Variants in ATG5 observed in about 807,000 individuals in gnomAD.
ATG5 encodes the protein autophagy related 5, also known as autophagy protein 5.
Under a neutral mutation model 36.5 loss-of-function variants are expected in ATG5, and 14 were observed. That is an observed-to-expected ratio of 0.38 (90% confidence interval 0.25 to 0.60). The LOEUF is 0.60. Among genes scored for constraint, ATG5 ranks in the 20% least tolerant of loss-of-function variants. ATG5 has a pLI of 0.60. For missense variants in ATG5, 195 were observed against 326.7 expected, an observed-to-expected ratio of 0.60 and a Z score of 3.11; for synonymous variants, 95 against 101.5, an observed-to-expected ratio of 0.94 and a Z score of 0.38.
At chr6:106,296,790 C>T (rs1487033763) in intron 3 of ATG5, among the ~76,000 whole-genome samples, 1 of 152,150 alleles carries the variant, frequency 6.6e-6, no homozygotes, top group Non-Finnish European at 1.5e-5. Flanking sequence ...TGCACTCCAG[C>T]CTAGGCAACA....
intron 1 of ATG5, among the ~76,000 whole-genome samples, chr6:106,318,276 CATGT>C (rs1203344111): frequency 1.3e-5 from 2 of 152,140 alleles, no homozygotes; most frequent in African/African-American, 4.8e-5. Flanking sequence ...AAACATCATG[CATGT>C]GAGTGTGGCT....
At chr6:106,235,629 T>C (rs1777870176) in intron 6 of ATG5, among the ~76,000 whole-genome samples, 1 of 152,084 alleles carries the variant, frequency 6.6e-6, no homozygotes, top group Non-Finnish European at 1.5e-5. Context: ...CTCACTAAAA[T>C]GCTAATTAGA....
intron 3 of ATG5, among the ~76,000 whole-genome samples, chr6:106,296,224 A>G (rs531069346): frequency 3.0e-4 from 45 of 152,182 alleles, no homozygotes; most frequent in African/African-American, 1.0e-3. Context: ...TTAAAAAAAA[A>G]AAGATAAAAC....
intron 5 of ATG5, among the ~76,000 whole-genome samples, chr6:106,251,687 A>C (rs1404424610): frequency 1.6e-4 from 17 of 109,466 alleles, no homozygotes; most frequent in African/African-American, 4.9e-4. Context: ...GAGAGAAAGA[A>C]AGACAGAAAA....
At chr6:106,190,781 C>T (rs1202640033) in intron 7 of ATG5, among the ~76,000 whole-genome samples, 1 of 151,998 alleles carries the variant, frequency 6.6e-6, no homozygotes, top group Non-Finnish European at 1.5e-5. Context: ...ACATTAACCA[C>T]ACAAGTCATT....
intron 6 of ATG5, among the ~76,000 whole-genome samples, chr6:106,240,927 C>T (rs1456512311): frequency 3.3e-5 from 5 of 152,108 alleles, no homozygotes; most frequent in East Asian, 1.9e-4. Context: ...CCAAAGCAGG[C>T]GGATCACTTG....
chr6:106,229,782 A>C (rs1248211786), intron 6 of ATG5, among the ~76,000 whole-genome samples: 1 of 152,214 alleles, frequency 6.6e-6, no homozygotes, highest in African/African-American at 2.4e-5. Flanking sequence ...AAATGCATTC[A>C]ATCTGTAGCG....
At chr6:106,196,462 A>C (rs748157600) in intron 7 of ATG5, among the ~76,000 whole-genome samples, 1 of 152,128 alleles carries the variant, frequency 6.6e-6, no homozygotes, top group Non-Finnish European at 1.5e-5. Context: ...AATCATGCAA[A>C]AATTAAGAGA....
chr6:106,254,439 T>C (rs889406478), intron 5 of ATG5, among the ~76,000 whole-genome samples: 2 of 152,234 alleles, frequency 1.3e-5, no homozygotes, highest in African/African-American at 2.4e-5. Flanking sequence ...TAATGTACTA[T>C]GAGTATGCAC....
chr6:106,202,478 C>A (rs1328481137), intron 6 of ATG5: 2 of 155,418 alleles, frequency 1.3e-5, no homozygotes, highest in African/African-American at 4.8e-5. Context: ...TGAAGAAGGA[C>A]ATTTTTTAGA....
At chr6:106,296,659 A>G (rs1218862582) in intron 3 of ATG5, among the ~76,000 whole-genome samples, 2 of 152,156 alleles carry the variant, frequency 1.3e-5, no homozygotes, top group South Asian at 2.1e-4. Flanking sequence ...CTCTACTAAC[A>G]ATACAAAAAT....
intron 5 of ATG5, among the ~76,000 whole-genome samples, chr6:106,269,282 T>C (rs1414827256): frequency 1.3e-5 from 2 of 152,182 alleles, no homozygotes; most frequent in Non-Finnish European, 2.9e-5. Context: ...AGAGTGCTGA[T>C]TGGTGTATTT....
chr6:106,186,772 A>T (rs1775787464), intron 7 of ATG5, 96 bp from the exon 8 acceptor site: 1 of 1,383,526 alleles, frequency 7.2e-7, no homozygotes, highest in Non-Finnish European at 9.9e-7. Context: ...CATTAAATGG[A>T]TTTTAAACAT....
At chr6:106,294,021 A>T (rs1340162358) in intron 3 of ATG5, among the ~76,000 whole-genome samples, 1 of 151,466 alleles carries the variant, frequency 6.6e-6, no homozygotes, top group Non-Finnish European at 1.5e-5. Flanking sequence ...TTACCATTTG[A>T]GCATCACAAA....
chr6:106,194,294 T>A (rs547345282), intron 7 of ATG5, among the ~76,000 whole-genome samples: 1 of 152,276 alleles, frequency 6.6e-6, no homozygotes, highest in Admixed American at 6.5e-5. Flanking sequence ...GCCATCACAC[T>A]GACAAATGTG....
At chr6:106,195,528 A>C (rs1445800826) in intron 7 of ATG5, among the ~76,000 whole-genome samples, 1 of 152,200 alleles carries the variant, frequency 6.6e-6, no homozygotes, top group East Asian at 1.9e-4. Context: ...TAAAAAGAAG[A>C]AGCAAAGATA....
At chr6:106,313,646 C>T (rs1398145663) in intron 2 of ATG5, among the ~76,000 whole-genome samples, 2 of 152,080 alleles carry the variant, frequency 1.3e-5, no homozygotes, top group African/African-American at 4.8e-5. Context: ...CAGTGATAAA[C>T]ATATAGGATA....
intron 6 of ATG5, among the ~76,000 whole-genome samples, chr6:106,216,491 C>T (rs749190259): frequency 2.0e-5 from 3 of 152,016 alleles, no homozygotes; most frequent in Non-Finnish European, 4.4e-5. Flanking sequence ...AGAAACCAGA[C>T]ACAAAAGGCC....
intron 6 of ATG5, among the ~76,000 whole-genome samples, chr6:106,202,977 A>C (rs549591012): frequency 2.6e-5 from 4 of 152,262 alleles, no homozygotes; most frequent in South Asian, 2.1e-4. Flanking sequence ...AAACTTAACC[A>C]TCTAATGGTT....
Sources: allele counts gnomAD v4.1 joint callset (sites outside exome capture counted in the v4.1 genomes callset), GRCh38; gene constraint gnomAD v4.1.1; transcripts MANE v1.5; gene names NCBI Gene and HGNC (gene_info 2026-07-23, HGNC 2026-07-21).